The following SAMD5 variants were observed in gnomAD, a reference collection of about 807,000 sequenced individuals.
SAMD5 encodes sterile alpha motif domain-containing protein 5.
SAMD5 carries 13 observed loss-of-function variants against 11.3 expected under a neutral mutation model. That is an observed-to-expected ratio of 1.15 (90% CI 0.75 to 1.83). The LOEUF is 1.83. Among genes scored for constraint, SAMD5 ranks in the 40% most tolerant of loss-of-function variants. The pLI, the probability that SAMD5 is intolerant of heterozygous loss-of-function variation, is 0.00. For synonymous variants in SAMD5, 129 were observed against 111.3 expected (o/e 1.16, Z -1.00); for missense variants, 255 against 239.1 (o/e 1.07, Z -0.44).
At chr6:147,827,875 C>T in the SAMD5 span, among the ~76,000 whole-genome samples, 96 of 152,038 alleles carry the variant, frequency 6.3e-4, 1 homozygote, top group Non-Finnish European at 1.2e-3. Context: ...CTGCAAGCTC[C>T]GCCTCCCGGG....
chr6:147,509,203 C>T lies in SAMD5; in HGVS notation c.275C>T (p.Thr92Ile), dbSNP rs1390393570. Residue 92 changes from threonine to isoleucine, a missense_variant, in exon 1 of 2, where the codon ACC becomes ATC. Physicochemically the swap from Thr to Ile is moderately conservative, Grantham distance 89. Coordinates refer to ENST00000367474, the MANE Select transcript of SAMD5 (RefSeq NM_001030060.3). The stretch of plus-strand genomic sequence containing the variant: ...GGGCCGCCCGCCGACGCCGTCCCCA[C>T]CGGCCGCCGGGGGGAGCCGTGCGGC... The part of the protein sequence containing the change: ...PPGPPADAVP[T>I]GRRGEPCGGP... The T allele has an allele frequency of 2.3e-6, 3 of 1,302,820 alleles. No individual in the cohort carries two copies. In the African/African-American group the frequency reaches 4.7e-5, roughly 20 times the overall value. 80.7% of individuals were successfully genotyped at this position (1,302,820 alleles called of 1,614,324 possible).
At chr6:147,917,730 T>C in the SAMD5 span, among the ~76,000 whole-genome samples, 1 of 152,242 alleles carries the variant, frequency 6.6e-6, no homozygotes, top group Admixed American at 6.5e-5. Flanking sequence ...GAATTAACTT[T>C]TGTATAAGGT....
At chr6:147,763,728 G>A in the SAMD5 span, among the ~76,000 whole-genome samples, 8 of 151,634 alleles carry the variant, frequency 5.3e-5, no homozygotes, top group African/African-American at 7.3e-5. Flanking sequence ...GACTACAGGC[G>A]CCCACCACCA....
the SAMD5 span, among the ~76,000 whole-genome samples, chr6:147,790,859 C>A: frequency 6.9e-6 from 1 of 144,146 alleles, no homozygotes; most frequent in East Asian, 2.2e-4. Flanking sequence ...AAAGCTGGGG[C>A]AAACTTTTCA....
the SAMD5 span, among the ~76,000 whole-genome samples, chr6:147,935,927 C>G: frequency 6.6e-5 from 10 of 152,146 alleles, no homozygotes; most frequent in African/African-American, 2.4e-4. Flanking sequence ...AGAGAGAGAG[C>G]CAATAAGTTT....
chr6:147,687,107 G>A (rs1425867085), intron 1 of SAMD5, among the ~76,000 whole-genome samples: 1 of 152,082 alleles, frequency 6.6e-6, no homozygotes, highest in African/African-American at 2.4e-5. Flanking sequence ...ATGGATGTAT[G>A]TATATATGTG....
chr6:147,915,173 T>C, the SAMD5 span, among the ~76,000 whole-genome samples: 1 of 152,210 alleles, frequency 6.6e-6, no homozygotes, highest in African/African-American at 2.4e-5. Context: ...AGTTGATAGC[T>C]TTTCTGTAGT....
intron 1 of SAMD5, among the ~76,000 whole-genome samples, chr6:147,587,905 T>C (rs911572286): frequency 3.3e-5 from 5 of 152,188 alleles, no homozygotes; most frequent in African/African-American, 1.2e-4. Flanking sequence ...ACTGTGAGGA[T>C]TTATTTTTCT....
intron 1 of SAMD5, among the ~76,000 whole-genome samples, chr6:147,551,130 T>TG (rs1788765620): frequency 6.6e-6 from 1 of 152,218 alleles, no homozygotes; most frequent in African/African-American, 2.4e-5. Context: ...GACAGCGCCC[T>TG]GGGGCACAGT....
In SAMD5 at chr6:147,661,881, G is replaced by A. The variant is rs547980091; in HGVS notation, c.163-75436G>A. On this transcript the variant is annotated intron_variant, in intron 1 of 1. Transcript: ENST00000566741. The stretch of plus-strand genomic sequence containing the variant: ...CTTGACCTCATGATTTGCCCACCTC[G>A]GCCTCCCAAATTGCTGGGATTACAG... Among the ~76,000 whole-genome samples, 22 of 152,032 alleles carry A rather than the reference G, an allele frequency of 1.4e-4. No individual in the cohort carries two copies. The East Asian group carries it at 4.1e-3, about 28-fold the overall frequency.
At chr6:147,788,472 G>A in the SAMD5 span, among the ~76,000 whole-genome samples, 1 of 152,134 alleles carries the variant, frequency 6.6e-6, no homozygotes, top group African/African-American at 2.4e-5. Flanking sequence ...GATTATAGAT[G>A]TTTTTAAATG....
At chr6:147,849,354 T>C in the SAMD5 span, among the ~76,000 whole-genome samples, 1 of 152,124 alleles carries the variant, frequency 6.6e-6, no homozygotes, top group Non-Finnish European at 1.5e-5. Flanking sequence ...GACATTGCTT[T>C]AAAAATTTTT....
chr6:147,633,606 G>C (rs1015234625), intron 1 of SAMD5, among the ~76,000 whole-genome samples: 1 of 151,700 alleles, frequency 6.6e-6, no homozygotes, highest in South Asian at 2.1e-4. Flanking sequence ...TTCCTCTGGA[G>C]ACCAACATAC....
At chr6:147,640,053 C>T (rs1041894067) in intron 1 of SAMD5, among the ~76,000 whole-genome samples, 1 of 151,978 alleles carries the variant, frequency 6.6e-6, no homozygotes, top group Non-Finnish European at 1.5e-5. Flanking sequence ...GACGGCTGGG[C>T]GCGGTGGCTC....
the SAMD5 span, among the ~76,000 whole-genome samples, chr6:147,828,032 C>T: frequency 2.0e-5 from 3 of 151,904 alleles, no homozygotes; most frequent in Admixed American, 2.0e-4. Flanking sequence ...GTGATCTGCC[C>T]GCCTCGGCCT....
chr6:147,817,555 T>C, the SAMD5 span, among the ~76,000 whole-genome samples: 2 of 152,222 alleles, frequency 1.3e-5, no homozygotes, highest in Non-Finnish European at 2.9e-5. Flanking sequence ...AGGAAAATAA[T>C]AACACTCTTA....
chr6:147,592,314 G>T (rs150637752), intron 1 of SAMD5, among the ~76,000 whole-genome samples: 123 of 152,174 alleles, frequency 8.1e-4, no homozygotes, highest in Middle Eastern at 3.4e-3. Context: ...GCTGCAGAAG[G>T]TTTCTCTCCC....
At chr6:147,793,539 A>G in the SAMD5 span, among the ~76,000 whole-genome samples, 2 of 152,206 alleles carry the variant, frequency 1.3e-5, no homozygotes, top group Non-Finnish European at 2.9e-5. Context: ...AAATACACAT[A>G]TAGCCAGTAT....
the SAMD5 span, among the ~76,000 whole-genome samples, chr6:147,865,503 C>A: frequency 4.6e-5 from 7 of 152,282 alleles, no homozygotes; most frequent in Non-Finnish European, 7.4e-5. Context: ...GCAGGCTTTG[C>A]CTCTTTATTC....
Sources: gnomAD v4.1 joint callset for allele counts (sites outside exome capture counted in the v4.1 genomes callset) on GRCh38, gnomAD v4.1.1 for gene constraint, MANE v1.5 for transcripts, NCBI Gene and HGNC (gene_info 2026-07-23, HGNC 2026-07-21) for gene names.